PRIMPOL: variants seen among roughly 807,000 people sequenced by gnomAD.
PRIMPOL encodes the protein DNA-directed primase/polymerase protein.
PRIMPOL carries 54 observed loss-of-function variants against 63.6 expected under a neutral mutation model. The ratio of observed to expected loss-of-function variants is 0.85; its 90% CI spans 0.68 to 1.07. The LOEUF (loss-of-function observed/expected upper bound fraction) is 1.07, where lower values mean the gene tolerates loss of function less well. PRIMPOL is among the 50% of genes least tolerant of loss of function. The pLI, the probability that PRIMPOL is intolerant of heterozygous loss-of-function variation, is 0.00. For synonymous variants in PRIMPOL, 197 were observed against 220.2 expected, an observed-to-expected ratio of 0.89 and a Z score of 0.93; for missense variants, 610 against 648.3, an observed-to-expected ratio of 0.94 and a Z score of 0.64.
intron 6 of PRIMPOL, among the ~76,000 whole-genome samples, chr4:184,671,403 G>A (rs1386398544): frequency 6.6e-6 from 1 of 152,012 alleles, no homozygotes. Context: ...CTGTCTGTTA[G>A]CTGAGCAGCA....
In PRIMPOL at chr4:184,678,545, T is replaced by C. The variant is rs1355285141; in HGVS notation, c.1007+151T>C. ...CAGCTCTTTTTTTTTTTTTTTTTTT[T>C]GATACAGAGTCTCCCTCTGTCACCC... On this transcript the variant is annotated intron_variant, in intron 8 of 13. Coordinates refer to ENST00000314970, the MANE Select transcript of PRIMPOL (RefSeq NM_152683.4). The C allele has an allele frequency of 4.9e-5, 26 of 528,964 alleles. No homozygotes were observed. The Admixed American group carries it at 7.3e-4, about 15-fold the overall frequency. 32.8% of individuals were successfully genotyped at this position (528,964 alleles called of 1,614,324 possible). A position where few individuals can be genotyped will look rare whatever the true frequency, so the allele number is the denominator to read the frequency against.
intron 6 of PRIMPOL, among the ~76,000 whole-genome samples, chr4:184,666,662 G>A (rs559742031): frequency 1.3e-5 from 2 of 152,198 alleles, no homozygotes; most frequent in Non-Finnish European, 2.9e-5. Flanking sequence ...CCTGGAAAGT[G>A]CATGAGAGGC....
chr4:184,660,267 C>A lies in PRIMPOL; in HGVS notation c.278+830C>A, dbSNP rs1490287954. ...GTGGCACAATCTCAGCTCACTGCAA[C>A]CTCCCTGAGTTCAAGCAATTCTCCT... is the stretch of plus-strand genomic sequence containing the variant. On this transcript the variant is annotated intron_variant, in intron 4 of 13. Coordinates refer to ENST00000314970, the MANE Select transcript of PRIMPOL (RefSeq NM_152683.4). Among the ~76,000 whole-genome samples, 3 of 151,292 alleles carry A rather than the reference C, an allele frequency of 2.0e-5. No individual in the cohort carries two copies. The East Asian group carries it at 5.9e-4, about 30-fold the overall frequency.
rs763394938 is a variant in PRIMPOL at position 184,691,701 on chromosome 4, C to A, written c.1414C>A (p.Leu472Ile). ...ACCTGCTGAAGTATGTCTCCTGTTTCTTTTCAAAGAGGTAAGTACAGATTT... is the reference window on the plus strand; with the variant it reads ...ACCTGCTGAAGTATGTCTCCTGTTTATTTTCAAAGAGGTAAGTACAGATTT... ...PLPAEVCLLF[L>I]FKEEEEFTTD... The change falls in exon 13 of 14, where the codon CTT becomes ATT. Residue 472 changes from leucine to isoleucine, a missense_variant. By Grantham distance (5) the Leu-to-Ile change is conservative. Around this residue, in one of 3 missense-constraint regions of PRIMPOL, gnomAD observed 444 missense variants for 456.4 expected, o/e 0.97. Coordinates refer to ENST00000314970, the MANE Select transcript of PRIMPOL (RefSeq NM_152683.4). 3.7e-6 allele frequency: 6 copies of A among 1,611,800 alleles called. No homozygotes were observed. The Admixed American group carries it at 1.0e-4, about 27-fold the overall frequency.
intron 13 of PRIMPOL, 61 bp from the exon 14 acceptor site, chr4:184,694,461 C>A: frequency 6.4e-7 from 1 of 1,562,046 alleles, no homozygotes; most frequent in Non-Finnish European, 8.7e-7. Context: ...AAGGTTAAAT[C>A]ACATATCCTG....
chr4:184,678,349 C>T lies in PRIMPOL; in HGVS notation c.962C>T (p.Ser321Phe). 6.2e-7 allele frequency: 1 copy of T among 1,608,066 alleles called. No individual in the cohort carries two copies. Among genetic ancestry groups the T allele is most frequent in the Middle Eastern group, 1.7e-4 (1 of 6,038 alleles). ...KFFPIQSKDV[S>F]DEYQYFLSSL... is the part of the protein sequence containing the mutation. The stretch of plus-strand genomic sequence containing the variant: ...TTTCCTATACAGTCAAAAGATGTTT[C>T]TGACGAATATCAATATTTTCTCTCT... Residue 321 changes from serine to phenylalanine, a missense_variant, in exon 8 of 14, where the codon TCT becomes TTT. Physicochemically the swap from Ser to Phe is radical, Grantham distance 155. This residue lies in a region of PRIMPOL where 444 missense variants were observed against 456.4 expected (regional missense o/e 0.97). Coordinates refer to ENST00000314970, the MANE Select transcript of PRIMPOL (RefSeq NM_152683.4).
rs1244825415 is a variant in PRIMPOL, at chr4:184,678,264, T to C, written c.877T>C (p.Tyr293His). Residue 293 changes from tyrosine to histidine, a missense_variant, in exon 8 of 14, where the codon TAT becomes CAT. Coordinates refer to ENST00000314970, the MANE Select transcript of PRIMPOL (RefSeq NM_152683.4). The part of the protein sequence containing the change: ...VYTRNRNFRL[Y>H]KSSKIGKRVA... The stretch of plus-strand genomic sequence containing the variant: ...TACAAGAAATAGAAACTTTCGGCTA[T>C]ATAAATCATCAAAAATTGGAAAGCG... 4 of 1,598,700 alleles carry C rather than the reference T, an allele frequency of 2.5e-6. No homozygotes were observed. Among genetic ancestry groups the C allele is most frequent in the African/African-American group, 1.3e-5 (1 of 74,188 alleles).
rs58280661 is a variant in PRIMPOL at position 184,656,397 on chromosome 4, TAAAA to T, written c.-59-683_-59-680del. ...TAGAGTGAAAGTTTTCCCACTCTTC[TAAAA>T]ACCTATTCTTTTTCTTTTGTAAATG... On this transcript the variant is annotated intron_variant, in intron 2 of 13. Transcript: ENST00000314970. 8.2e-3 allele frequency among the ~76,000 whole-genome samples: 1,250 copies of T among 152,256 alleles called. 19 individuals carry two copies. The highest frequency in any genetic ancestry group is 0.029 in the African/African-American group (1,185 of 41,526).
chr4:184,666,173 T>C, intron 6 of PRIMPOL, 109 bp downstream of exon 6: 1 of 829,994 alleles, frequency 1.2e-6, no homozygotes, highest in Non-Finnish European at 1.8e-6. Context: ...CATTAACTTA[T>C]CCTAAAAAAT....
Position 184,691,722 on chromosome 4 carries a change from G to T in PRIMPOL, c.1425+10G>T. Reference sequence around the variant, plus strand: ...GTTTCTTTTCAAAGAGGTAAGTACAGATTTTAGTGTCTTTCTCCTTACCAG... The same window carrying T: ...GTTTCTTTTCAAAGAGGTAAGTACATATTTTAGTGTCTTTCTCCTTACCAG... On this transcript the variant is annotated intron_variant, in intron 13 of 13. Transcript: ENST00000314970. 1 of 1,604,100 alleles carries T rather than the reference G, an allele frequency of 6.2e-7. No individual in the cohort carries two copies. Among genetic ancestry groups the T allele is most frequent in the South Asian group, 1.1e-5 (1 of 90,824 alleles).
chr4:184,652,653 G>T (rs748658334), intron 2 of PRIMPOL, among the ~76,000 whole-genome samples: 3 of 152,142 alleles, frequency 2.0e-5, no homozygotes, highest in Non-Finnish European at 4.4e-5. Flanking sequence ...TACTTTAGCA[G>T]TGGGAGAAAT....
At chr4:184,679,513 A>C (rs562467375) in intron 8 of PRIMPOL, among the ~76,000 whole-genome samples, 10 of 152,352 alleles carry the variant, frequency 6.6e-5, no homozygotes, top group African/African-American at 2.2e-4. Flanking sequence ...ATCTTTCAAC[A>C]GAAATACTAT....
intron 5 of PRIMPOL, 27 bp downstream of exon 5, chr4:184,661,930 A>G (rs1323201458): frequency 1.4e-6 from 2 of 1,431,456 alleles, no homozygotes; most frequent in African/African-American, 4.5e-5. Context: ...AGTTTTTCTT[A>G]TTTCTATCCA....
intron 6 of PRIMPOL, 75 bp from the exon 7 acceptor site, chr4:184,672,098 G>A: frequency 7.6e-7 from 1 of 1,318,662 alleles, no homozygotes; most frequent in South Asian, 1.4e-5. Context: ...ATTGTCATAT[G>A]TGGATTCCTG....
intron 6 of PRIMPOL, among the ~76,000 whole-genome samples, chr4:184,669,341 C>T (rs184236453): frequency 6.6e-6 from 1 of 152,216 alleles, no homozygotes; most frequent in Admixed American, 6.5e-5. Context: ...TGAGCTGTCT[C>T]TGACTCCAGC....
intron 6 of PRIMPOL, among the ~76,000 whole-genome samples, chr4:184,668,229 A>G (rs1321443523): frequency 6.6e-6 from 1 of 152,170 alleles, no homozygotes; most frequent in Non-Finnish European, 1.5e-5. Context: ...TCCTGTGCTG[A>G]GCTCCTCATC....
At chr4:184,660,878 C>T (rs572065930) in intron 4 of PRIMPOL, among the ~76,000 whole-genome samples, 1 of 152,278 alleles carries the variant, frequency 6.6e-6, no homozygotes, top group South Asian at 2.1e-4. Context: ...TCACTTAGCC[C>T]AAATTATCAT....
At chr4:184,657,391 T>G in intron 3 of PRIMPOL, 71 bp downstream of exon 3, 2 of 1,181,594 alleles carry the variant, frequency 1.7e-6, no homozygotes, top group Non-Finnish European at 2.3e-6. Context: ...TTCTTCATTA[T>G]AATTTCAGTT....
chr4:184,679,277 T>C (rs962423118), intron 8 of PRIMPOL, among the ~76,000 whole-genome samples: 2 of 152,136 alleles, frequency 1.3e-5, no homozygotes, highest in Admixed American at 1.3e-4. Context: ...TAGGTTCCCA[T>C]GTTTTGATCA....
Sources: gnomAD v4.1 joint callset for allele counts (sites outside exome capture counted in the v4.1 genomes callset) on GRCh38, gnomAD v4.1.1 for gene constraint, gnomAD v4.1.1 regional missense constraint, MANE v1.5 for transcripts, NCBI Gene and HGNC (gene_info 2026-07-23, HGNC 2026-07-21) for gene names.